The following KPNA3 variants were observed in gnomAD, a reference collection of about 807,000 sequenced individuals.
The protein encoded by KPNA3 is importin subunit alpha-4.
A neutral mutation model predicts 73.8 loss-of-function variants in KPNA3; 13 were observed. The ratio of observed to expected loss-of-function variants is 0.18; its 90% CI spans 0.11 to 0.28. KPNA3 has a LOEUF of 0.28. Ranked by LOEUF, KPNA3 falls within the 10% of genes least tolerant of loss-of-function variation. KPNA3 has a pLI of 1.00. For missense variants in KPNA3, 360 were observed against 618.1 expected, an observed-to-expected ratio of 0.58 and a Z score of 4.43; for synonymous variants, 186 against 206.9, an observed-to-expected ratio of 0.90 and a Z score of 0.87.
chr13:49,785,197 G>GA (rs1167348661), intron 1 of KPNA3, among the ~76,000 whole-genome samples: 1 of 152,136 alleles, frequency 6.6e-6, no homozygotes, highest in Non-Finnish European at 1.5e-5. Context: ...CAGGCTCACT[G>GA]AAAAATCTCA....
At chr13:49,752,022 G>A (rs933591706) in intron 1 of KPNA3, among the ~76,000 whole-genome samples, 10 of 152,136 alleles carry the variant, frequency 6.6e-5, no homozygotes, top group African/African-American at 2.4e-4. Context: ...CATATATGCA[G>A]AAGAAAATGG....
chr13:49,765,207 G>T (rs1381546878), intron 1 of KPNA3, among the ~76,000 whole-genome samples: 3 of 152,052 alleles, frequency 2.0e-5, no homozygotes, highest in African/African-American at 7.2e-5. Context: ...TTCTGAATTG[G>T]GCAGTAATAT....
intron 6 of KPNA3, among the ~76,000 whole-genome samples, chr13:49,730,896 C>T (rs1219001267): frequency 2.6e-5 from 4 of 151,228 alleles, no homozygotes; most frequent in African/African-American, 9.7e-5. Context: ...CCTGCCTCAG[C>T]CTCCCAAGTA....
At chr13:49,749,734 C>T (rs1263321572) in intron 1 of KPNA3, among the ~76,000 whole-genome samples, 1 of 152,134 alleles carries the variant, frequency 6.6e-6, no homozygotes, top group Admixed American at 6.5e-5. Context: ...TCACTAGTAG[C>T]AAAACTTCAA....
chr13:49,714,650 A>G (rs1954288905), intron 10 of KPNA3, among the ~76,000 whole-genome samples: 1 of 152,176 alleles, frequency 6.6e-6, no homozygotes, highest in South Asian at 2.1e-4. Context: ...TTGATGCTAT[A>G]TAAATTGTTC....
intron 15 of KPNA3, among the ~76,000 whole-genome samples, chr13:49,704,406 C>G (rs962944553): frequency 7.0e-6 from 1 of 142,172 alleles, no homozygotes; most frequent in African/African-American, 2.6e-5. Context: ...GAGCGAAACT[C>G]TGTCTCAAAA....
chr13:49,749,021 C>T (rs1954640742), intron 1 of KPNA3, among the ~76,000 whole-genome samples: 1 of 152,088 alleles, frequency 6.6e-6, no homozygotes, highest in East Asian at 1.9e-4. Flanking sequence ...TTTCCTATAA[C>T]TGAAAAGAAA....
chr13:49,721,852 G>GATTT, intron 9 of KPNA3, 103 bp downstream of exon 9: 1 of 734,416 alleles, frequency 1.4e-6, no homozygotes, highest in Non-Finnish European at 2.0e-6. Context: ...ACTCACACCT[G>GATTT]CAATGAAATC....
intron 1 of KPNA3, among the ~76,000 whole-genome samples, chr13:49,757,417 G>T (rs909421536): frequency 6.6e-6 from 1 of 152,050 alleles, no homozygotes; most frequent in African/African-American, 2.4e-5. Flanking sequence ...CATGGAAGAG[G>T]ATATACACAT....
At chr13:49,731,249 GT>G (rs143641829) in intron 6 of KPNA3, among the ~76,000 whole-genome samples, 6,160 of 101,992 alleles carry the variant, frequency 0.06, 125 homozygotes, top group African/African-American at 0.16. Context: ...TAATTTTCGT[GT>G]TTTTTTTTTT....
At chr13:49,711,652 G>A (rs913293450) in intron 10 of KPNA3, among the ~76,000 whole-genome samples, 1 of 152,160 alleles carries the variant, frequency 6.6e-6, no homozygotes, top group Non-Finnish European at 1.5e-5. Context: ...AACAGGCTTA[G>A]CGATCTGGTG....
rs1411646993 is a variant in KPNA3 at position 49,701,591 on chromosome 13, G to C, written c.*209C>G. On this transcript the variant is annotated 3_prime_UTR_variant, in exon 17 of 17. Coordinates refer to ENST00000261667, the MANE Select transcript of KPNA3 (RefSeq NM_002267.4). ...GATTGTTAAGGAGAGTTCTAAAACAGTTTAGGAAATCATGCATATGCATTT... is the reference window on the plus strand; with the variant it reads ...GATTGTTAAGGAGAGTTCTAAAACACTTTAGGAAATCATGCATATGCATTT... 1.5e-6 allele frequency: 1 copy of C among 679,790 alleles called. No individual in the cohort carries two copies. The highest frequency in any genetic ancestry group is 1.8e-5 in the African/African-American group (1 of 56,502). 42.1% of individuals were successfully genotyped at this position (679,790 alleles called of 1,614,324 possible).
intron 1 of KPNA3, among the ~76,000 whole-genome samples, chr13:49,782,838 G>A (rs567334535): frequency 6.6e-6 from 1 of 151,978 alleles, no homozygotes; most frequent in Admixed American, 6.6e-5. Flanking sequence ...CTCCAGCCTG[G>A]GTGACAGAGC....
chr13:49,759,164 C>A (rs951182102), intron 1 of KPNA3, among the ~76,000 whole-genome samples: 7 of 152,012 alleles, frequency 4.6e-5, no homozygotes, highest in Non-Finnish European at 1.0e-4. Flanking sequence ...AAATAAAAAC[C>A]CAAACAACTA....
At chr13:49,706,230 C>A in intron 13 of KPNA3, 38 bp downstream of exon 13, 1 of 1,610,084 alleles carries the variant, frequency 6.2e-7, no homozygotes, top group Non-Finnish European at 8.5e-7. Flanking sequence ...TGGTTATTAA[C>A]AGATTAACAG....
intron 9 of KPNA3, among the ~76,000 whole-genome samples, chr13:49,720,112 C>T (rs1041925225): frequency 5.9e-5 from 9 of 152,266 alleles, no homozygotes; most frequent in South Asian, 2.1e-4. Context: ...TAATAACCTT[C>T]TTTATGGCAT....
chr13:49,748,597 C>T (rs2137570688), intron 1 of KPNA3, among the ~76,000 whole-genome samples: 1 of 151,916 alleles, frequency 6.6e-6, no homozygotes, highest in South Asian at 2.1e-4. Flanking sequence ...TCATAAAATC[C>T]AAATTATAAA....
intron 1 of KPNA3, among the ~76,000 whole-genome samples, chr13:49,778,105 T>C (rs1954911873): frequency 6.6e-6 from 1 of 152,230 alleles, no homozygotes; most frequent in Non-Finnish European, 1.5e-5. Flanking sequence ...ATAATACTGA[T>C]AGATGACGCT....
At chr13:49,734,956 G>GAA in intron 2 of KPNA3, among the ~76,000 whole-genome samples, 1 of 150,284 alleles carries the variant, frequency 6.7e-6, no homozygotes, top group South Asian at 2.1e-4. Flanking sequence ...GAGATAGATA[G>GAA]AGAGAGAGAG....
Sources: allele counts gnomAD v4.1 joint callset (sites outside exome capture counted in the v4.1 genomes callset), GRCh38; gene constraint gnomAD v4.1.1; transcripts MANE v1.5; gene names NCBI Gene and HGNC (gene_info 2026-07-23, HGNC 2026-07-21).